Variants in PTPRT observed in about 807,000 individuals in gnomAD.
The protein encoded by PTPRT is receptor-type tyrosine-protein phosphatase T.
PTPRT carries 56 observed loss-of-function variants against 176.8 expected under a neutral mutation model. That is an observed-to-expected ratio of 0.32 (90% CI 0.26 to 0.40). PTPRT has a LOEUF of 0.40. Among genes scored for constraint, PTPRT ranks in the 10% least tolerant of loss-of-function variants. PTPRT has a pLI of 1.00. For missense variants in PTPRT, 1,540 were observed against 1,908.2 expected, an observed-to-expected ratio of 0.81 and a Z score of 3.60; for synonymous variants, 783 against 739.0, an observed-to-expected ratio of 1.06 and a Z score of -0.96.
At chr20:42,082,920 G>A (rs560503500) in intron 29 of PTPRT, among the ~76,000 whole-genome samples, 1 of 152,216 alleles carries the variant, frequency 6.6e-6, no homozygotes, top group Admixed American at 6.5e-5. Context: ...TACAGGACAT[G>A]CAGTGACCAG....
chr20:42,619,008 G>A lies in PTPRT; in HGVS notation c.1153+58858C>T, dbSNP rs576284191. 2.1e-3 allele frequency among the ~76,000 whole-genome samples: 312 copies of A among 151,646 alleles called. 3 individuals are homozygous for A. Among genetic ancestry groups the A allele is most frequent in the African/African-American group, 7.3e-3 (299 of 41,226 alleles). On this transcript the variant is annotated intron_variant, in intron 7 of 30. Coordinates refer to ENST00000373187, the MANE Select transcript of PTPRT (RefSeq NM_007050.6). ...ATGATGTTAGCTGGTGATTTTGCTC[G>A]TAAGTTGATGCAGTTTCTTCCTAGT...
chr20:43,145,208 G>A (rs1280999010), intron 1 of PTPRT, among the ~76,000 whole-genome samples: 2 of 152,174 alleles, frequency 1.3e-5, no homozygotes, highest in Non-Finnish European at 2.9e-5. Context: ...CCCTAGTCCT[G>A]ACACATAGGA....
chr20:42,184,541 CTCTTCTTCTTCTTCTTCTTATTCTTCT>C (rs1990663138), intron 16 of PTPRT, among the ~76,000 whole-genome samples: 1 of 91,546 alleles, frequency 1.1e-5, no homozygotes. Context: ...CTTCCTCTTC[CTCTTCTTCTTCTTCTTCTTATTCTTCT>C]TCTTCTTCTT....
rs532101429 is a variant in PTPRT at position 42,684,237 on chromosome 20, C to T, written c.860-6078G>A. Among the ~76,000 whole-genome samples, 121 of 151,902 alleles carry T rather than the reference C, an allele frequency of 8.0e-4. 1 individual carries two copies. The South Asian group carries it at 0.024, about 30-fold the overall frequency. ...GTAAGCACTTGTAATTCCAGCTACT[C>T]GGGAGGCTGAGGCAGGAGAATCGCT... On this transcript the variant is annotated intron_variant, in intron 6 of 30. Transcript: ENST00000373187.
chr20:42,358,517 A>T (rs1348297675), intron 9 of PTPRT, among the ~76,000 whole-genome samples: 1 of 152,202 alleles, frequency 6.6e-6, no homozygotes, highest in Non-Finnish European at 1.5e-5. Flanking sequence ...TGTAACAGAG[A>T]AAACAGATTG....
At chr20:42,227,503 G>A (rs1181141631) in intron 15 of PTPRT, among the ~76,000 whole-genome samples, 2 of 151,570 alleles carry the variant, frequency 1.3e-5, no homozygotes, top group Non-Finnish European at 2.9e-5. Context: ...GTTGCTCACT[G>A]ATAATACAAA....
intron 1 of PTPRT, among the ~76,000 whole-genome samples, chr20:43,079,223 C>A (rs1027941427): frequency 1.1e-4 from 15 of 132,720 alleles, no homozygotes; most frequent in Non-Finnish European, 2.0e-4. Flanking sequence ...TCTCTCCCCC[C>A]TGTCCTCTAC....
chr20:42,594,550 A>G (rs577444457), intron 7 of PTPRT, among the ~76,000 whole-genome samples: 22 of 152,232 alleles, frequency 1.4e-4, no homozygotes, highest in Non-Finnish European at 1.9e-4. Context: ...ATCTGTATAT[A>G]ATATACATAC....
chr20:43,070,777 A>G (rs1390187469), intron 1 of PTPRT, among the ~76,000 whole-genome samples: 1 of 151,960 alleles, frequency 6.6e-6, no homozygotes, highest in Non-Finnish European at 1.5e-5. Context: ...TTGAACAATG[A>G]AAACACTTGG....
intron 7 of PTPRT, among the ~76,000 whole-genome samples, chr20:42,581,078 G>T (rs956190331): frequency 3.9e-5 from 6 of 152,036 alleles, no homozygotes; most frequent in African/African-American, 1.4e-4. Context: ...TAGCTTCCTT[G>T]CTGTTCTTTG....
intron 6 of PTPRT, among the ~76,000 whole-genome samples, chr20:42,690,627 C>A (rs780773066): frequency 3.3e-5 from 5 of 152,178 alleles, no homozygotes; most frequent in Non-Finnish European, 7.3e-5. Flanking sequence ...CTGTGCAGTA[C>A]CCCAGTACTC....
chr20:42,089,331 TAA>T lies in PTPRT; in HGVS notation c.3847-3480_3847-3479del, dbSNP rs567699063. 2.4e-3 allele frequency among the ~76,000 whole-genome samples: 369 copies of T among 152,022 alleles called. 2 individuals are homozygous for T. Among genetic ancestry groups the T allele is most frequent in the Non-Finnish European group, 4.1e-3 (278 of 67,952 alleles). ...ACCAGAATTAATCAGAACTGCCCAT[TAA>T]AAAAAATAATTGCCTTTATCACCTG... is the stretch of plus-strand genomic sequence containing the variant. On this transcript the variant is annotated intron_variant, in intron 27 of 30. Coordinates refer to ENST00000373187, the MANE Select transcript of PTPRT (RefSeq NM_007050.6).
At chr20:42,641,614 T>G (rs2074753483) in intron 7 of PTPRT, among the ~76,000 whole-genome samples, 1 of 152,162 alleles carries the variant, frequency 6.6e-6, no homozygotes, top group Non-Finnish European at 1.5e-5. Flanking sequence ...TTGCCATCAC[T>G]GGGAGCCAGA....
intron 6 of PTPRT, among the ~76,000 whole-genome samples, chr20:42,722,635 T>C (rs1006993576): frequency 1.3e-5 from 2 of 152,156 alleles, no homozygotes; most frequent in East Asian, 1.9e-4. Flanking sequence ...AGTAGGAGAA[T>C]GTCTTCATCT....
intron 1 of PTPRT, among the ~76,000 whole-genome samples, chr20:43,119,714 C>T (rs560653923): frequency 6.6e-6 from 1 of 152,284 alleles, no homozygotes; most frequent in South Asian, 2.1e-4. Flanking sequence ...TTTTAACAAA[C>T]ATTAATATAA....
intron 7 of PTPRT, among the ~76,000 whole-genome samples, chr20:42,568,652 T>C (rs777232890): frequency 6.6e-6 from 1 of 152,162 alleles, no homozygotes; most frequent in African/African-American, 2.4e-5. Context: ...AGTCCAGTTG[T>C]TGAAGCTGGG....
intron 15 of PTPRT, among the ~76,000 whole-genome samples, chr20:42,210,940 A>C (rs1417752877): frequency 6.6e-6 from 1 of 151,198 alleles, no homozygotes; most frequent in Non-Finnish European, 1.5e-5. Context: ...ACTGGTACCA[A>C]AACAGAGATA....
intron 7 of PTPRT, among the ~76,000 whole-genome samples, chr20:42,611,286 G>A (rs751369225): frequency 6.6e-6 from 1 of 152,198 alleles, no homozygotes; most frequent in African/African-American, 2.4e-5. Flanking sequence ...CACAACAACA[G>A]TGTATGAGGA....
chr20:42,725,786 A>T (rs1161215826), intron 6 of PTPRT, among the ~76,000 whole-genome samples: 1 of 151,930 alleles, frequency 6.6e-6, no homozygotes, highest in Admixed American at 6.6e-5. Flanking sequence ...AGAACCAGAA[A>T]TACCATTTGA....
Sources: gnomAD v4.1 joint callset for allele counts (sites outside exome capture counted in the v4.1 genomes callset) on GRCh38, gnomAD v4.1.1 for gene constraint, MANE v1.5 for transcripts, NCBI Gene and HGNC (gene_info 2026-07-23, HGNC 2026-07-21) for gene names.